OTOGL: variants seen among roughly 807,000 people sequenced by gnomAD.
OTOGL encodes otogelin-like protein.
A neutral mutation model predicts 318.5 loss-of-function variants in OTOGL; 285 were observed. The observed-to-expected ratio is 0.89, with a 90% CI of 0.81 to 0.99. The LOEUF (loss-of-function observed/expected upper bound fraction) is 0.99. OTOGL is among the 50% of genes least tolerant of loss of function. OTOGL has a pLI of 0.00. For synonymous variants in OTOGL, 987 were observed against 936.5 expected (o/e 1.05, Z -0.99); for missense variants, 2,899 against 2,845.6 (o/e 1.02, Z -0.43).
At chr12:80,311,597 G>A (rs1343572912) in intron 30 of OTOGL, among the ~76,000 whole-genome samples, 3 of 150,600 alleles carry the variant, frequency 2.0e-5, no homozygotes, top group Non-Finnish European at 4.4e-5. Context: ...AGTAGAGACC[G>A]GGTCTCGCCA....
chr12:80,335,697 G>A (rs1246076324), intron 38 of OTOGL, among the ~76,000 whole-genome samples: 1 of 151,996 alleles, frequency 6.6e-6, no homozygotes, highest in Non-Finnish European at 1.5e-5. Flanking sequence ...GGGAATTCAG[G>A]AGAACACTGT....
chr12:80,153,475 G>A (rs769097731), intron 1 of OTOGL, among the ~76,000 whole-genome samples: 9 of 152,168 alleles, frequency 5.9e-5, no homozygotes, highest in Non-Finnish European at 1.0e-4. Flanking sequence ...CTTCACTCAT[G>A]TATAGCCTCT....
At chr12:80,157,854 G>A (rs1287170713) in intron 1 of OTOGL, among the ~76,000 whole-genome samples, 3 of 151,952 alleles carry the variant, frequency 2.0e-5, no homozygotes, top group African/African-American at 7.2e-5. Flanking sequence ...TTCTATGTTG[G>A]CTCTCAGTTC....
rs184571314 is a variant in OTOGL, at chr12:80,266,656, C to A, written c.2390+40C>A. 4.5e-3 allele frequency: 7,018 copies of A among 1,564,326 alleles called. 41 individuals are homozygous for A. Among genetic ancestry groups the A allele is most frequent in the Non-Finnish European group, 5.0e-3 (5,653 of 1,141,966 alleles). On this transcript the variant is annotated intron_variant, in intron 21 of 58. Coordinates refer to ENST00000547103, the MANE Select transcript of OTOGL (RefSeq NM_001378609.3). Reference sequence around the variant, plus strand: ...CAGGTTGGCAGCATCCTGTTTTAATCTCTTTTTCTCCTTACGGGCTAAATG... The same window carrying A: ...CAGGTTGGCAGCATCCTGTTTTAATATCTTTTTCTCCTTACGGGCTAAATG...
At chr12:80,178,354 C>T (rs191278939) in intron 1 of OTOGL, among the ~76,000 whole-genome samples, 1 of 152,178 alleles carries the variant, frequency 6.6e-6, no homozygotes, top group East Asian at 1.9e-4. Flanking sequence ...AGCCACTGTG[C>T]CCAGCCTTTT....
chr12:80,105,905 G>T (rs34036259), intron 1 of OTOGL, among the ~76,000 whole-genome samples: 5,452 of 152,236 alleles, frequency 0.036, 117 homozygotes, highest in South Asian at 0.09. Context: ...CATTCCAACA[G>T]ATACTGGGAA....
At chr12:80,330,494 A>C (rs566551284) in intron 37 of OTOGL, among the ~76,000 whole-genome samples, 1 of 152,338 alleles carries the variant, frequency 6.6e-6, no homozygotes, top group African/African-American at 2.4e-5. Flanking sequence ...TCTATGAAAT[A>C]AGATTGCATG....
chr12:80,135,701 G>A (rs1476323124), intron 1 of OTOGL, among the ~76,000 whole-genome samples: 1 of 152,228 alleles, frequency 6.6e-6, no homozygotes, highest in Non-Finnish European at 1.5e-5. Flanking sequence ...ACTAGGCCAT[G>A]GGATATCTAG....
At chr12:80,342,221 C>A in intron 44 of OTOGL, 59 bp downstream of exon 44, 1 of 1,274,634 alleles carries the variant, frequency 7.8e-7, no homozygotes, top group Non-Finnish European at 1.1e-6. Context: ...GAGTAAAAGC[C>A]AATACGTTAC....
At chr12:80,257,759 A>G (rs916708573) in intron 17 of OTOGL, 66 bp from the exon 18 acceptor site, 21 of 1,308,654 alleles carry the variant, frequency 1.6e-5, no homozygotes, top group Non-Finnish European at 2.1e-5. Flanking sequence ...CTGGTGGTGT[A>G]CCCTAGCATT....
chr12:80,250,197 A>G (rs11114371), intron 11 of OTOGL, among the ~76,000 whole-genome samples: 15,077 of 152,010 alleles, frequency 0.099, 853 homozygotes, highest in Middle Eastern at 0.15. Context: ...GAGTCTGAAA[A>G]CCAAGATTCT....
At chr12:80,218,929 G>GGATT (rs1377042673) in intron 5 of OTOGL, among the ~76,000 whole-genome samples, 3 of 150,472 alleles carry the variant, frequency 2.0e-5, no homozygotes, top group Non-Finnish European at 4.4e-5. Context: ...TGAGTAGCAG[G>GGATT]GATTACAGGT....
intron 1 of OTOGL, among the ~76,000 whole-genome samples, chr12:80,203,500 G>C (rs1192719979): frequency 6.6e-6 from 1 of 152,106 alleles, no homozygotes; most frequent in Non-Finnish European, 1.5e-5. Flanking sequence ...AGGGGGTGGA[G>C]GGCAGCACCA....
chr12:80,345,314 A>C (rs12422802), intron 44 of OTOGL, among the ~76,000 whole-genome samples: 11,488 of 147,018 alleles, frequency 0.078, 510 homozygotes, highest in East Asian at 0.17. Context: ...CGGCTCACTG[A>C]AGCCTCCACC....
intron 22 of OTOGL, among the ~76,000 whole-genome samples, chr12:80,268,702 T>C (rs1207144722): frequency 6.6e-6 from 1 of 152,064 alleles, no homozygotes; most frequent in Non-Finnish European, 1.5e-5. Context: ...ACTTTGGATT[T>C]TACTTGATTT....
At chr12:80,189,524 T>C (rs948245290) in intron 1 of OTOGL, 2 of 910,264 alleles carry the variant, frequency 2.2e-6, no homozygotes, top group African/African-American at 1.8e-5. Flanking sequence ...ATTCATTTCT[T>C]GGAAGAAGTG....
rs1258952091 is a variant in OTOGL at position 80,328,351 on chromosome 12, A to ACAACAC, written c.4200-312_4200-311insACACCA. Among the ~76,000 whole-genome samples the ACAACAC allele has an allele frequency of 6.6e-4, 99 of 150,058 alleles. 1 individual carries two copies. The highest frequency in any genetic ancestry group is 1.3e-3 in the Non-Finnish European group (90 of 67,394). ...AACAACAACAACAACAACAACAACA[A>ACAACAC]CACCTTAATAAATTATTCTTCCACA... On this transcript the variant is annotated intron_variant, in intron 35 of 58. Coordinates refer to ENST00000547103, the MANE Select transcript of OTOGL (RefSeq NM_001378609.3).
Position 80,327,996 on chromosome 12 carries a change from C to T in OTOGL, c.4200-669C>T, listed in dbSNP as rs1286174941. On this transcript the variant is annotated intron_variant, in intron 35 of 58. Coordinates refer to ENST00000547103, the MANE Select transcript of OTOGL (RefSeq NM_001378609.3). ...AAAAAAAAAAAAAAAGAGTGGAAAGCAACAGTACAATCAATACAGATTAAA... is the reference window on the plus strand; with the variant it reads ...AAAAAAAAAAAAAAAGAGTGGAAAGTAACAGTACAATCAATACAGATTAAA... Among the ~76,000 whole-genome samples, 8 of 120,030 alleles carry T rather than the reference C, an allele frequency of 6.7e-5. 1 individual carries two copies. Among genetic ancestry groups the T allele is most frequent in the Admixed American group, 8.8e-5 (1 of 11,324 alleles). 78.7% of individuals were successfully genotyped at this position (120,030 alleles called of 152,430 possible).
At chr12:80,256,983 G>A (rs1882108739) in intron 17 of OTOGL, among the ~76,000 whole-genome samples, 1 of 152,084 alleles carries the variant, frequency 6.6e-6, no homozygotes, top group Admixed American at 6.6e-5. Flanking sequence ...TGCTACAGCA[G>A]AGAGAGGGTA....
Sources: allele counts gnomAD v4.1 joint callset (sites outside exome capture counted in the v4.1 genomes callset), GRCh38; gene constraint gnomAD v4.1.1; transcripts MANE v1.5; gene names NCBI Gene and HGNC (gene_info 2026-07-23, HGNC 2026-07-21).